CRISP1: variants seen among roughly 807,000 people sequenced by gnomAD.
CRISP1 encodes the protein cysteine rich secretory protein 1, also known as cysteine-rich secretory protein 1.
Under a neutral mutation model 33.1 loss-of-function variants are expected in CRISP1, and 44 were observed. The ratio of observed to expected loss-of-function variants is 1.33; its 90% CI spans 1.05 to 1.71. The LOEUF is 1.71. Among genes scored for constraint, CRISP1 ranks in the 40% most tolerant of loss-of-function variants. The pLI is 0.00. For synonymous variants in CRISP1, 103 were observed against 98.7 expected (o/e 1.04, Z -0.26); for missense variants, 390 against 301.2 (o/e 1.29, Z -2.18).
upstream of CRISP1, among the ~76,000 whole-genome samples, chr6:49,868,766 T>A (rs1771857709): frequency 6.6e-6 from 1 of 152,128 alleles, no homozygotes; most frequent in Admixed American, 6.6e-5. Flanking sequence ...CTCAGTAAAA[T>A]TGTGCTTATG....
At chr6:49,869,429 T>G (rs1196936873), upstream of CRISP1, among the ~76,000 whole-genome samples, 6 of 152,156 alleles carry the variant, frequency 3.9e-5, no homozygotes. Flanking sequence ...GTCACACACT[T>G]TAATATTCTA....
At chr6:49,872,690 T>C (rs1373556601) in intron 1 of CRISP1, among the ~76,000 whole-genome samples, 1 of 152,204 alleles carries the variant, frequency 6.6e-6, no homozygotes, top group Admixed American at 6.5e-5. Context: ...TTGTCAGGTT[T>C]GTCAAAGATC....
At chr6:49,845,379 G>T (rs1417421543) in intron 5 of CRISP1, among the ~76,000 whole-genome samples, 2 of 152,138 alleles carry the variant, frequency 1.3e-5, no homozygotes, top group Admixed American at 1.3e-4. Context: ...GCTCTATTAA[G>T]ATCATAGACT....
Position 49,852,034 on chromosome 6 carries a change from T to A in CRISP1, c.162A>T (p.Arg54Ser). 1.2e-6 allele frequency: 2 copies of A among 1,612,088 alleles called. No individual in the cohort carries two copies. Residue 54 changes from arginine to serine, a missense_variant, in exon 3 of 8, where the codon AGA (arginine) becomes AGT (serine). By Grantham distance (110) the Arg-to-Ser change is moderately radical. Transcript: ENST00000335847. The stretch of plus-strand genomic sequence containing the variant: ...GCATGTTGCTGGCTGGTGGAACTAC[T>A]CTTCTCCTGAGGGCGTTGTGTATAT... ...IVNIHNALRRRVVPPASNMLK... is the reference protein window; with the variant it reads ...IVNIHNALRRSVVPPASNMLK...
At chr6:49,841,127 G>A in intron 5 of CRISP1, 132 bp from the exon 6 acceptor site, 1 of 750,910 alleles carries the variant, frequency 1.3e-6, no homozygotes, top group Non-Finnish European at 2.2e-6. Flanking sequence ...TTAATAAGAA[G>A]TCATAGAAAC....
chr6:49,876,647 A>G (rs1014731801), intron 1 of CRISP1, among the ~76,000 whole-genome samples: 2 of 152,104 alleles, frequency 1.3e-5, no homozygotes, highest in African/African-American at 4.8e-5. Flanking sequence ...ATGCCCATCA[A>G]TTATAGGCTG....
chr6:49,859,236 C>T (rs868172259), intron 1 of CRISP1, among the ~76,000 whole-genome samples: 2 of 152,050 alleles, frequency 1.3e-5, no homozygotes, highest in South Asian at 2.1e-4. Flanking sequence ...GCTACAGAAG[C>T]GTCCTTTATT....
chr6:49,875,238 G>A (rs577169991), intron 1 of CRISP1, among the ~76,000 whole-genome samples: 1 of 151,946 alleles, frequency 6.6e-6, no homozygotes, highest in African/African-American at 2.4e-5. Flanking sequence ...AAGTCAATGT[G>A]CAAAAGTCAA....
intron 1 of CRISP1, among the ~76,000 whole-genome samples, chr6:49,873,791 T>C (rs1417472467): frequency 6.6e-6 from 1 of 152,052 alleles, no homozygotes; most frequent in Non-Finnish European, 1.5e-5. Flanking sequence ...GTACCTATAC[T>C]TAACAAAAAT....
intron 1 of CRISP1, among the ~76,000 whole-genome samples, chr6:49,876,037 T>G (rs1168400538): frequency 6.6e-6 from 1 of 151,734 alleles, no homozygotes; most frequent in Non-Finnish European, 1.5e-5. Flanking sequence ...AAAGCAAAAA[T>G]AGACAAATGG....
At chr6:49,841,136 AC>A (rs1162894422) in intron 5 of CRISP1, 141 bp from the exon 6 acceptor site, 7 of 683,420 alleles carry the variant, frequency 1.0e-5, no homozygotes, top group Non-Finnish European at 1.2e-5. Flanking sequence ...AGTCATAGAA[AC>A]AAAAGGACTC....
chr6:49,857,268 T>C (rs1771521230), intron 2 of CRISP1, 67 bp downstream of exon 2: 9 of 1,482,764 alleles, frequency 6.1e-6, no homozygotes, highest in Admixed American at 1.7e-5. Flanking sequence ...ACATGGTGAA[T>C]TGTATTAAAG....
chr6:49,872,275 A>T (rs1310915734), intron 1 of CRISP1, among the ~76,000 whole-genome samples: 1 of 151,516 alleles, frequency 6.6e-6, no homozygotes, highest in African/African-American at 2.4e-5. Context: ...AATTTGTTTG[A>T]GTTCATTGTA....
chr6:49,868,908 A>G (rs2127479109), upstream of CRISP1, among the ~76,000 whole-genome samples: 1 of 152,294 alleles, frequency 6.6e-6, no homozygotes, highest in Non-Finnish European at 1.5e-5. Context: ...TCAGTTTCTG[A>G]ATTTGAATTT....
intron 1 of CRISP1, among the ~76,000 whole-genome samples, chr6:49,862,535 C>A (rs1045645522): frequency 5.3e-5 from 8 of 151,630 alleles, no homozygotes; most frequent in African/African-American, 1.9e-4. Flanking sequence ...GTAAATTAAT[C>A]CCAGAACTTA....
chr6:49,869,582 GT>G (rs1771877445), upstream of CRISP1, among the ~76,000 whole-genome samples: 1 of 152,094 alleles, frequency 6.6e-6, no homozygotes, highest in Non-Finnish European at 1.5e-5. Context: ...TTTAAATTCA[GT>G]TTTTTCTACA....
At chr6:49,850,660 G>A (rs1020965577) in intron 3 of CRISP1, among the ~76,000 whole-genome samples, 2 of 152,022 alleles carry the variant, frequency 1.3e-5, no homozygotes, top group Admixed American at 6.6e-5. Context: ...AGTTTTACTG[G>A]TACACTTACT....
intron 1 of CRISP1, among the ~76,000 whole-genome samples, chr6:49,872,993 G>T (rs1771961228): frequency 6.6e-6 from 1 of 151,932 alleles, no homozygotes; most frequent in Non-Finnish European, 1.5e-5. Flanking sequence ...ACCTTGGGGA[G>T]TATGGCCATT....
At chr6:49,854,508 A>G (rs1265730409) in intron 2 of CRISP1, among the ~76,000 whole-genome samples, 1 of 152,176 alleles carries the variant, frequency 6.6e-6, no homozygotes, top group African/African-American at 2.4e-5. Flanking sequence ...CTAGGATTAC[A>G]GGTGTGCACC....
Sources: gnomAD v4.1 joint callset for allele counts (sites outside exome capture counted in the v4.1 genomes callset) on GRCh38, gnomAD v4.1.1 for gene constraint, MANE v1.5 for transcripts, NCBI Gene and HGNC (gene_info 2026-07-23, HGNC 2026-07-21) for gene names.